Variants in OR51D1 observed in about 807,000 individuals in gnomAD.
The protein encoded by OR51D1 is olfactory receptor family 51 subfamily D member 1.
For synonymous variants in OR51D1, 187 were observed against 161.1 expected (o/e 1.16, Z -1.22); for missense variants, 452 against 396.2 (o/e 1.14, Z -1.20).
chr11:4,639,745 A>T (rs1161679226), intron 1 of OR51D1, 32 bp from the exon 2 acceptor site: 3 of 1,577,702 alleles, frequency 1.9e-6, no homozygotes, highest in Non-Finnish European at 2.6e-6. Context: ...CAACTAAATG[A>T]TGTTTCTACT....
In OR51D1 at chr11:4,640,050, C is replaced by T. The variant is rs148606808; in HGVS notation, c.260C>T (p.Ser87Phe). The T allele has an allele frequency of 3.1e-3, 4,985 of 1,614,186 alleles. 19 individuals are homozygous for T. The highest frequency in any genetic ancestry group is 4.0e-3 in the Non-Finnish European group (4,765 of 1,180,024). The change falls in exon 2 of 2, where the codon TCC becomes TTC. Residue 87 changes from serine to phenylalanine, a missense_variant. By Grantham distance (155) the Ser-to-Phe change is radical. Coordinates refer to ENST00000641817, the MANE Select transcript of OR51D1 (RefSeq NM_001004751.3). ...CTTTCCACTATTGACCTAGTCCTCT[C>T]CTCTATCACCATGCCCAAGATGGCC... ...AMLSTIDLVL[S>F]SITMPKMASL... is the part of the protein sequence containing the mutation.
In OR51D1 at chr11:4,642,987, T is replaced by A. The variant is rs552362392; in HGVS notation, c.*2222T>A. ...ATGATCTATTTAACATAGCTTGATTTAGCGTGTCCTGTGTTCTGAATTTAA... is the reference window on the plus strand; with the variant it reads ...ATGATCTATTTAACATAGCTTGATTAAGCGTGTCCTGTGTTCTGAATTTAA... On this transcript the variant is annotated 3_prime_UTR_variant, in exon 2 of 2. Transcript: ENST00000641817. The A allele has an allele frequency of 6.6e-6, 1 of 152,248 alleles. No homozygotes were observed. The highest frequency in any genetic ancestry group is 1.5e-5 in the Non-Finnish European group (1 of 68,046). 9.4% of individuals were successfully genotyped at this position (152,248 alleles called of 1,614,324 possible).
rs1295960190 is a variant in OR51D1 at position 4,639,818 on chromosome 11, A to G, written c.28A>G (p.Ile10Val). The change falls in exon 2 of 2, where the codon ATC becomes GTC. Residue 10 changes from isoleucine (I) to valine (V), a missense_variant. Ile to Val is a conservative substitution (Grantham distance 29). Coordinates refer to ENST00000641817, the MANE Select transcript of OR51D1 (RefSeq NM_001004751.3). ...GCAGAAGCCCCAGCTCTTGGTCCCT[A>G]TCATAGCCACTTCAAATGGAAATCT... is the stretch of plus-strand genomic sequence containing the variant. MQKPQLLVPIIATSNGNLVH... is the reference protein window; with the variant it reads MQKPQLLVPVIATSNGNLVH... 1.2e-6 allele frequency: 2 copies of G among 1,613,952 alleles called. No homozygotes were observed. Among genetic ancestry groups the G allele is most frequent in the Non-Finnish European group, 1.7e-6 (2 of 1,179,980 alleles).
rs139569444 is a variant in OR51D1, at chr11:4,640,121, C to G, written c.331C>G (p.Leu111Val). ...GIQEIEFNIC[L>V]AQMFLIHALS... ...CCAGGAGATCGAGTTCAACATTTGC[C>G]TGGCCCAGATGTTCCTTATCCATGC... Residue 111 changes from leucine (L) to valine (V), a missense_variant, in exon 2 of 2, where the codon CTG becomes GTG. Physicochemically the swap from Leu to Val is conservative, Grantham distance 32. Transcript: ENST00000641817. 6.2e-7 allele frequency: 1 copy of G among 1,614,222 alleles called. No individual in the cohort carries two copies. The highest frequency in any genetic ancestry group is 8.5e-7 in the Non-Finnish European group (1 of 1,180,044).
Position 4,640,441 on chromosome 11 carries a change from C to G in OR51D1, c.651C>G (p.Leu217=), listed in dbSNP as rs1426755960. ...TGGTTTATGGACTCTTCATCATCCT[C>G]TCAGTCATGGGTGTGGACTCTCTCT... is the stretch of plus-strand genomic sequence containing the variant. ...VNVVYGLFII[L]SVMGVDSLFI... is the part of the protein sequence containing the mutation. The change falls in exon 2 of 2, where the codon CTC becomes CTG. Residue 217 remains leucine, a synonymous_variant. Coordinates refer to ENST00000641817, the MANE Select transcript of OR51D1 (RefSeq NM_001004751.3). The G allele has an allele frequency of 1.2e-6, 2 of 1,614,170 alleles. No homozygotes were observed. The highest frequency in any genetic ancestry group is 1.7e-6 in the Non-Finnish European group (2 of 1,180,024).
At position 4,639,825 on chromosome 11, in the gene OR51D1, C is replaced by CAG; in HGVS notation, c.35_36insAG (p.Thr13AlafsTer45). On this transcript the variant is annotated frameshift_variant, in exon 2 of 2. Transcript: ENST00000641817. LOFTEE classifies it high-confidence loss of function. ...CCCCAGCTCTTGGTCCCTATCATAG[C>CAG]CACTTCAAATGGAAATCTGGTCCAC... 6.2e-7 allele frequency: 1 copy of CAG among 1,614,104 alleles called. No homozygotes were observed. Among genetic ancestry groups the CAG allele is most frequent in the Admixed American group, 1.7e-5 (1 of 60,024 alleles).
Position 4,640,000 on chromosome 11 carries a change from GC to G in OR51D1, c.213del (p.Met72CysfsTer13). 1 of 1,614,128 alleles carries G rather than the reference GC, an allele frequency of 6.2e-7. No individual in the cohort carries two copies. ...TTCGTGTGGAGAGGCGACTGCATGA[GC>G]CCATGTACCTCTTCCTGGCCATGCT... ...IIRVERRLHE[P>X]MYLFLAMLST... On this transcript the variant is annotated frameshift_variant, in exon 2 of 2. Transcript: ENST00000641817. LOFTEE classifies it high-confidence loss of function.
At chr11:4,638,363 A>T (rs1230059379) in intron 1 of OR51D1, among the ~76,000 whole-genome samples, 1 of 152,130 alleles carries the variant, frequency 6.6e-6, no homozygotes, top group Non-Finnish European at 1.5e-5. Flanking sequence ...AGGAGGCGGT[A>T]GGTTATATGG....
rs1416264169 is a variant in OR51D1 at position 4,640,356 on chromosome 11, A to G, written c.566A>G (p.His189Arg). 2 of 1,613,988 alleles carry G rather than the reference A, an allele frequency of 1.2e-6. No individual in the cohort carries two copies. The highest frequency in any genetic ancestry group is 1.7e-5 in the Admixed American group (1 of 60,014). ...TACTGCCAAACACATACTGTCACACACTCCTTCTGTCTGCACCAAGATATT... is the reference window on the plus strand; with the variant it reads ...TACTGCCAAACACATACTGTCACACGCTCCTTCTGTCTGCACCAAGATATT... ...LSYCQTHTVTHSFCLHQDIMK... is the reference protein window; with the variant it reads ...LSYCQTHTVTRSFCLHQDIMK... The change falls in exon 2 of 2, where the codon CAC (histidine) becomes CGC (arginine). Residue 189 changes from histidine (H) to arginine (R), a missense_variant. Physicochemically the swap from His to Arg is conservative, Grantham distance 29. Coordinates refer to ENST00000641817, the MANE Select transcript of OR51D1 (RefSeq NM_001004751.3).
At position 4,639,822 on chromosome 11, in the gene OR51D1, T is replaced by A. The variant is rs190040657; in HGVS notation, c.32T>A (p.Ile11Lys). 1.9e-6 allele frequency: 3 copies of A among 1,614,176 alleles called. No homozygotes were observed. The East Asian group carries it at 6.7e-5, about 36-fold the overall frequency. The stretch of plus-strand genomic sequence containing the variant: ...AAGCCCCAGCTCTTGGTCCCTATCA[T>A]AGCCACTTCAAATGGAAATCTGGTC... Reference protein sequence around the residue: MQKPQLLVPIIATSNGNLVHA... With the variant: MQKPQLLVPIKATSNGNLVHA... Residue 11 changes from isoleucine (I) to lysine (K), a missense_variant, in exon 2 of 2, where the codon ATA (isoleucine) becomes AAA (lysine). By Grantham distance (102) the Ile-to-Lys change is moderately radical. Coordinates refer to ENST00000641817, the MANE Select transcript of OR51D1 (RefSeq NM_001004751.3).
chr11:4,642,774 A>T lies in OR51D1; in HGVS notation c.*2009A>T, dbSNP rs12787640. The T allele has an allele frequency of 0.19, 29,156 of 152,068 alleles. 3,088 individuals are homozygous for T. The highest frequency in any genetic ancestry group is 0.36 in the South Asian group (1,731 of 4,810). 9.4% of individuals were successfully genotyped at this position (152,068 alleles called of 1,614,324 possible). On this transcript the variant is annotated 3_prime_UTR_variant, in exon 2 of 2. Coordinates refer to ENST00000641817, the MANE Select transcript of OR51D1 (RefSeq NM_001004751.3). ...ATGTCTCATTGTTACTCCATATTGGATGGAAGTAGAAGTCCCTTTGGTATT... is the reference window on the plus strand; with the variant it reads ...ATGTCTCATTGTTACTCCATATTGGTTGGAAGTAGAAGTCCCTTTGGTATT...
Position 4,640,303 on chromosome 11 carries a change from A to T in OR51D1, c.513A>T (p.Pro171=). The T allele has an allele frequency of 6.2e-7, 1 of 1,614,082 alleles. No homozygotes were observed. Among genetic ancestry groups the T allele is most frequent in the Non-Finnish European group, 8.5e-7 (1 of 1,180,016 alleles). ...ALTRGFVFFF[P]LPFILKWLSY... is the part of the protein sequence containing the mutation. ...CCAGGGGGTTTGTATTCTTCTTCCC[A>T]CTGCCCTTCATCCTCAAGTGGTTGT... Residue 171 remains proline (P), a synonymous_variant, in exon 2 of 2, where the codon CCA becomes CCT. Transcript: ENST00000641817.
intron 1 of OR51D1, 180 bp from the exon 2 acceptor site, chr11:4,639,597 T>C: frequency 3.2e-6 from 2 of 619,152 alleles, no homozygotes; most frequent in East Asian, 5.5e-5. Flanking sequence ...AGGCTCAAGA[T>C]GTCCAGGAAG....
At position 4,640,227 on chromosome 11, in the gene OR51D1, C is replaced by T. The variant is rs149135276; in HGVS notation, c.437C>T (p.Ala146Val). 8.4e-4 allele frequency: 1,351 copies of T among 1,614,214 alleles called. 2 individuals carry two copies. Among genetic ancestry groups the T allele is most frequent in the Non-Finnish European group, 1.1e-3 (1,257 of 1,180,040 alleles). The change falls in exon 2 of 2, where the codon GCT becomes GTT. Residue 146 changes from alanine (A) to valine (V), a missense_variant. Physicochemically the swap from Ala to Val is moderately conservative, Grantham distance 64. Transcript: ENST00000641817. ...GCCATTTGCCACCCATTGCGCCATG[C>T]TTCTGTGCTGACAGGGTGTACTGTG... ...FVAICHPLRH[A>V]SVLTGCTVAK...
rs78385157 is a variant in OR51D1, at chr11:4,639,276, C to T, written c.-14-501C>T. Reference sequence around the variant, plus strand: ...TTGAAATCTCATCCCAGACTGAGCCCCTGCTCCCTATCTTAAATTAGATTA... The same window carrying T: ...TTGAAATCTCATCCCAGACTGAGCCTCTGCTCCCTATCTTAAATTAGATTA... On this transcript the variant is annotated intron_variant, in intron 1 of 1. Coordinates refer to ENST00000641817, the MANE Select transcript of OR51D1 (RefSeq NM_001004751.3). Among the ~76,000 whole-genome samples the T allele has an allele frequency of 4.5e-3, 687 of 152,234 alleles. 15 individuals are homozygous for T. The highest frequency in any genetic ancestry group is 0.011 in the East Asian group (55 of 5,182).
chr11:4,641,266 T>C lies in OR51D1; in HGVS notation c.*501T>C, dbSNP rs1323746433. ...GCAGCTCACATGCAATGTTGAAGTT[T>C]CTGTATGCAAGAGGGTGTGTTGGCA... is the stretch of plus-strand genomic sequence containing the variant. On this transcript the variant is annotated 3_prime_UTR_variant, in exon 2 of 2. Coordinates refer to ENST00000641817, the MANE Select transcript of OR51D1 (RefSeq NM_001004751.3). 1 of 159,758 alleles carries C rather than the reference T, an allele frequency of 6.3e-6. No homozygotes were observed. Among genetic ancestry groups the C allele is most frequent in the East Asian group, 1.8e-4 (1 of 5,494 alleles). 9.9% of individuals were successfully genotyped at this position (159,758 alleles called of 1,614,324 possible).
chr11:4,639,794 C>A lies in OR51D1; in HGVS notation c.4C>A (p.Gln2Lys). 1 of 1,611,260 alleles carries A rather than the reference C, an allele frequency of 6.2e-7. No individual in the cohort carries two copies. The highest frequency in any genetic ancestry group is 8.5e-7 in the Non-Finnish European group (1 of 1,177,956). ...TTTCCTAGACCCTGGATTTTGTATG[C>A]AGAAGCCCCAGCTCTTGGTCCCTAT... M[Q>K]KPQLLVPIIA... is the part of the protein sequence containing the mutation. Residue 2 changes from glutamine (Q) to lysine (K), a missense_variant, in exon 2 of 2, where the codon CAG (glutamine) becomes AAG (lysine). By Grantham distance (53) the Gln-to-Lys change is moderately conservative. Coordinates refer to ENST00000641817, the MANE Select transcript of OR51D1 (RefSeq NM_001004751.3).
chr11:4,639,853 A>G lies in OR51D1; in HGVS notation c.63A>G (p.Ala21=), dbSNP rs752322424. Reference sequence around the variant, plus strand: ...CTTCAAATGGAAATCTGGTCCACGCAGCATACTTCCTTTTGGTGGGTATCC... The same window carrying G: ...CTTCAAATGGAAATCTGGTCCACGCGGCATACTTCCTTTTGGTGGGTATCC... The part of the protein sequence containing the change: ...IATSNGNLVH[A]AYFLLVGIPG... Residue 21 remains alanine, a synonymous_variant, in exon 2 of 2, where the codon GCA becomes GCG. Coordinates refer to ENST00000641817, the MANE Select transcript of OR51D1 (RefSeq NM_001004751.3). The G allele has an allele frequency of 6.2e-7, 1 of 1,614,170 alleles. No individual in the cohort carries two copies. Among genetic ancestry groups the G allele is most frequent in the South Asian group, 1.1e-5 (1 of 91,084 alleles).
intron 1 of OR51D1, among the ~76,000 whole-genome samples, chr11:4,639,223 G>A (rs770531714): frequency 1.3e-5 from 2 of 152,206 alleles, no homozygotes; most frequent in South Asian, 2.1e-4. Flanking sequence ...TTTGAGAAAT[G>A]GTATTCAGGC....
Sources: allele counts gnomAD v4.1 joint callset (sites outside exome capture counted in the v4.1 genomes callset), GRCh38; gene constraint gnomAD v4.1.1; transcripts MANE v1.5; gene names NCBI Gene and HGNC (gene_info 2026-07-23, HGNC 2026-07-21).